The following CNBD1 variants were observed in gnomAD, a reference collection of about 807,000 sequenced individuals.
CNBD1 encodes cyclic nucleotide binding domain containing 1, also known as cyclic nucleotide-binding domain-containing protein 1.
CNBD1 carries 71 observed loss-of-function variants against 54.4 expected under a neutral mutation model. That is an observed-to-expected ratio of 1.30 (90% CI 1.08 to 1.59). The LOEUF (loss-of-function observed/expected upper bound fraction) is 1.59. Ranked by LOEUF, CNBD1 falls within the 40% of genes most tolerant of loss-of-function variation. CNBD1 has a pLI of 0.00. For synonymous variants in CNBD1, 182 were observed against 170.7 expected (o/e 1.07, Z -0.51); for missense variants, 659 against 518.0 (o/e 1.27, Z -2.64).
chr8:87,167,189 T>G (rs763048554), intron 4 of CNBD1, among the ~76,000 whole-genome samples: 1 of 152,006 alleles, frequency 6.6e-6, no homozygotes, highest in Non-Finnish European at 1.5e-5. Flanking sequence ...CATTTATACT[T>G]AAATAATTGA....
At chr8:87,305,424 AC>A in intron 8 of CNBD1, among the ~76,000 whole-genome samples, 1 of 152,222 alleles carries the variant, frequency 6.6e-6, no homozygotes, top group South Asian at 2.1e-4. Context: ...TTGATGTGGA[AC>A]CAAAAAAGTG....
chr8:87,411,100 C>G (rs1807734230), intron 2 of CNBD1, among the ~76,000 whole-genome samples: 1 of 151,794 alleles, frequency 6.6e-6, no homozygotes, highest in African/African-American at 2.4e-5. Flanking sequence ...GGGTCTGGAA[C>G]AAAACCAGCA....
rs191070492 is a variant in CNBD1, at chr8:87,189,594, G to A, written c.432-16399G>A. Among the ~76,000 whole-genome samples, 176 of 152,192 alleles carry A rather than the reference G, an allele frequency of 1.2e-3. 1 individual carries two copies. The highest frequency in any genetic ancestry group is 4.1e-3 in the African/African-American group (171 of 41,504). On this transcript the variant is annotated intron_variant, in intron 4 of 10. Transcript: ENST00000518476. Reference sequence around the variant, plus strand: ...TTAGTAATCTATTTTCTAATTATAAGAGGTTTTTTAAGCTTGAAAAGAAGA... The same window carrying A: ...TTAGTAATCTATTTTCTAATTATAAAAGGTTTTTTAAGCTTGAAAAGAAGA...
intron 9 of CNBD1, 119 bp downstream of exon 9, chr8:87,351,913 A>AT: frequency 1.9e-6 from 2 of 1,039,672 alleles, no homozygotes; most frequent in Non-Finnish European, 2.5e-6. Context: ...TTTCTATTCA[A>AT]TTTTTTGAAA....
intron 4 of CNBD1, among the ~76,000 whole-genome samples, chr8:87,167,607 A>G (rs1812991808): frequency 6.6e-6 from 1 of 151,862 alleles, no homozygotes; most frequent in African/African-American, 2.4e-5. Flanking sequence ...TTTCTGAACC[A>G]CCTGGTGGTC....
At chr8:86,898,304 G>A (rs578191505) in intron 2 of CNBD1, among the ~76,000 whole-genome samples, 1 of 151,932 alleles carries the variant, frequency 6.6e-6, no homozygotes, top group African/African-American at 2.4e-5. Flanking sequence ...GGTCAGAATA[G>A]TGGTCAAAAT....
At position 87,256,247 on chromosome 8, in the gene CNBD1, T is replaced by G. The variant is rs111906759; in HGVS notation, c.771+19135T>G. ...CATGTTGGCCAGGGTGGTCTTGAGC[T>G]CCTGGCCTCAGTGATCCACCCATCT... On this transcript the variant is annotated intron_variant, in intron 6 of 10. Transcript: ENST00000518476. Among the ~76,000 whole-genome samples the G allele has an allele frequency of 5.5e-4, 83 of 151,266 alleles. 1 individual carries two copies. The highest frequency in any genetic ancestry group is 1.9e-3 in the African/African-American group (77 of 41,222).
At chr8:87,215,759 T>C (rs1814196446) in intron 5 of CNBD1, among the ~76,000 whole-genome samples, 1 of 152,150 alleles carries the variant, frequency 6.6e-6, no homozygotes, top group Non-Finnish European at 1.5e-5. Context: ...ATTGGGATAA[T>C]GTTAATCTTT....
At chr8:87,334,945 C>A (rs1286071826) in intron 8 of CNBD1, among the ~76,000 whole-genome samples, 1 of 151,874 alleles carries the variant, frequency 6.6e-6, no homozygotes, top group Admixed American at 6.6e-5. Flanking sequence ...AGGATGGTCT[C>A]AGTCTCTTGA....
intron 8 of CNBD1, among the ~76,000 whole-genome samples, chr8:87,315,067 T>A (rs1586005621): frequency 6.6e-6 from 1 of 152,136 alleles, no homozygotes; most frequent in East Asian, 1.9e-4. Context: ...ACTTTCAAAA[T>A]ACTGAGAGAT....
chr8:87,316,901 A>G (rs1809397363), intron 8 of CNBD1, among the ~76,000 whole-genome samples: 1 of 151,758 alleles, frequency 6.6e-6, no homozygotes, highest in South Asian at 2.1e-4. Context: ...AATATTCATT[A>G]TATAATGGAA....
intron 4 of CNBD1, among the ~76,000 whole-genome samples, chr8:87,161,019 T>A (rs1812846809): frequency 6.6e-6 from 1 of 152,074 alleles, no homozygotes; most frequent in Non-Finnish European, 1.5e-5. Context: ...TTCATTGTTA[T>A]CATCATCATC....
chr8:86,882,950 T>C (rs922793700), intron 1 of CNBD1, among the ~76,000 whole-genome samples: 1 of 152,114 alleles, frequency 6.6e-6, no homozygotes, highest in African/African-American at 2.4e-5. Flanking sequence ...TGTTTTCACT[T>C]GTAAGTGGGA....
At chr8:87,059,841 C>G (rs1186881221) in intron 4 of CNBD1, among the ~76,000 whole-genome samples, 3 of 152,198 alleles carry the variant, frequency 2.0e-5, no homozygotes, top group Non-Finnish European at 4.4e-5. Context: ...CTGAGGACAG[C>G]CTTTACTTGA....
intron 4 of CNBD1, among the ~76,000 whole-genome samples, chr8:86,953,693 C>G (rs766066598): frequency 2.0e-5 from 3 of 151,912 alleles, no homozygotes; most frequent in Non-Finnish European, 2.9e-5. Context: ...ATAGTGTGAC[C>G]CCTGTCTCTA....
intron 2 of CNBD1, among the ~76,000 whole-genome samples, chr8:87,391,422 G>C (rs780179404): frequency 2.0e-5 from 3 of 151,978 alleles, no homozygotes; most frequent in African/African-American, 7.3e-5. Flanking sequence ...TCCTGAAAGA[G>C]AACAAAGCGG....
At chr8:87,192,397 T>C (rs1813632124) in intron 4 of CNBD1, among the ~76,000 whole-genome samples, 1 of 152,118 alleles carries the variant, frequency 6.6e-6, no homozygotes, top group African/African-American at 2.4e-5. Context: ...CCCCAATAAC[T>C]CAAAATAAGT....
intron 2 of CNBD1, among the ~76,000 whole-genome samples, chr8:87,394,873 A>G (rs1396924721): frequency 2.0e-5 from 3 of 151,854 alleles, no homozygotes; most frequent in Admixed American, 1.3e-4. Context: ...ACTCTGGACA[A>G]AGAAAAGTCT....
At chr8:87,047,091 C>G (rs981307376) in intron 4 of CNBD1, among the ~76,000 whole-genome samples, 1 of 151,834 alleles carries the variant, frequency 6.6e-6, no homozygotes, top group Non-Finnish European at 1.5e-5. Flanking sequence ...CTTTTTTTAC[C>G]CTCCAGACCT....
Sources: gnomAD v4.1 joint callset for allele counts (sites outside exome capture counted in the v4.1 genomes callset) on GRCh38, gnomAD v4.1.1 for gene constraint, MANE v1.5 for transcripts, NCBI Gene and HGNC (gene_info 2026-07-23, HGNC 2026-07-21) for gene names.